The following ZNF407 variants were observed in gnomAD, a reference collection of about 807,000 sequenced individuals.
ZNF407 encodes the protein zinc finger protein 407.
Under a neutral mutation model 131.2 loss-of-function variants are expected in ZNF407, and 17 were observed. The observed-to-expected ratio is 0.13, with a 90% CI of 0.09 to 0.19. The LOEUF (loss-of-function observed/expected upper bound fraction) is 0.19. Among genes scored for constraint, ZNF407 ranks in the 10% least tolerant of loss-of-function variants. The pLI is 1.00. For synonymous variants in ZNF407, 1,156 were observed against 1,062.0 expected (o/e 1.09, Z -1.72); for missense variants, 2,681 against 2,830.6 (o/e 0.95, Z 1.20).
chr18:74,715,190 A>T (rs1386828040), intron 3 of ZNF407, among the ~76,000 whole-genome samples: 1 of 152,122 alleles, frequency 6.6e-6, no homozygotes, highest in African/African-American at 2.4e-5. Context: ...TCCACTCTGA[A>T]CTTGAAATGT....
At chr18:74,599,004 A>G (rs1362972380) in intron 1 of ZNF407, among the ~76,000 whole-genome samples, 1 of 152,186 alleles carries the variant, frequency 6.6e-6, no homozygotes, top group African/African-American at 2.4e-5. Context: ...ATGCCTGGTG[A>G]CATCCTAGTC....
At chr18:74,883,955 A>C (rs1006662320) in intron 6 of ZNF407, among the ~76,000 whole-genome samples, 1 of 152,212 alleles carries the variant, frequency 6.6e-6, no homozygotes, top group Non-Finnish European at 1.5e-5. Flanking sequence ...TGAAAAGCAC[A>C]TGTACAGGTA....
At chr18:74,782,247 TA>T (rs1969617218) in intron 4 of ZNF407, among the ~76,000 whole-genome samples, 1 of 152,214 alleles carries the variant, frequency 6.6e-6, no homozygotes, top group African/African-American at 2.4e-5. Flanking sequence ...ATTCTACAGA[TA>T]CTCTCAGAAA....
At chr18:75,062,234 G>A (rs1599318209) in intron 8 of ZNF407, 1 of 148,024 alleles carries the variant, frequency 6.8e-6, no homozygotes, top group Non-Finnish European at 1.5e-5. Context: ...CTACAATGTT[G>A]TTTCGTTTTT....
At chr18:74,870,399 T>G (rs989461100) in intron 4 of ZNF407, among the ~76,000 whole-genome samples, 1 of 152,152 alleles carries the variant, frequency 6.6e-6, no homozygotes, top group Admixed American at 6.5e-5. Flanking sequence ...GGCTCCCTGG[T>G]GAACTGTTTA....
At chr18:74,890,512 T>G (rs1448973240) in intron 7 of ZNF407, among the ~76,000 whole-genome samples, 1 of 152,242 alleles carries the variant, frequency 6.6e-6, no homozygotes, top group Non-Finnish European at 1.5e-5. Context: ...TCTATAATCT[T>G]AACATTTAGA....
chr18:74,959,979 A>T (rs550545641), intron 8 of ZNF407, among the ~76,000 whole-genome samples: 1 of 152,216 alleles, frequency 6.6e-6, no homozygotes, highest in Non-Finnish European at 1.5e-5. Context: ...GTGCATTTGT[A>T]TAACTCATTT....
intron 6 of ZNF407, among the ~76,000 whole-genome samples, chr18:74,885,107 T>C (rs1184887514): frequency 6.6e-6 from 1 of 152,152 alleles, no homozygotes; most frequent in Non-Finnish European, 1.5e-5. Context: ...TTAGACTTAT[T>C]ATATTGAAAG....
intron 4 of ZNF407, among the ~76,000 whole-genome samples, chr18:74,844,130 C>T (rs1184715795): frequency 6.6e-6 from 1 of 152,188 alleles, no homozygotes; most frequent in Non-Finnish European, 1.5e-5. Flanking sequence ...GACTCTACTG[C>T]CCTGCTCCTC....
Position 75,063,587 on chromosome 18 carries a change from T to C in ZNF407, c.5866T>C (p.Ser1956Pro), listed in dbSNP as rs1973667648. 1 of 1,567,938 alleles carries C rather than the reference T, an allele frequency of 6.4e-7. No individual in the cohort carries two copies. The highest frequency in any genetic ancestry group is 8.6e-7 in the Non-Finnish European group (1 of 1,158,714). ...GSMEGHGMDE[S>P]LSPGGAVIQQ... ...CATGGAAGGCCACGGCATGGATGAGTCCCTCAGTCCAGGTGGCGCTGTGAT... is the reference window on the plus strand; with the variant it reads ...CATGGAAGGCCACGGCATGGATGAGCCCCTCAGTCCAGGTGGCGCTGTGAT... The change falls in exon 9 of 9, where the codon TCC (serine) becomes CCC (proline). Residue 1956 changes from serine to proline, a missense_variant. Physicochemically the swap from Ser to Pro is moderately conservative, Grantham distance 74. Coordinates refer to ENST00000299687, the MANE Select transcript of ZNF407 (RefSeq NM_017757.3). This position sits in a 1 kb window ranked among gnomAD's most constrained non-coding sequence, Gnocchi z 6.6.
chr18:74,779,488 A>G (rs551878335), intron 3 of ZNF407, among the ~76,000 whole-genome samples: 2 of 152,296 alleles, frequency 1.3e-5, no homozygotes, highest in East Asian at 1.9e-4. Flanking sequence ...AATTTAAAGA[A>G]TTAGTACTTC....
chr18:74,600,454 T>G (rs1171291090), intron 1 of ZNF407, among the ~76,000 whole-genome samples: 1 of 152,214 alleles, frequency 6.6e-6, no homozygotes, highest in Non-Finnish European at 1.5e-5. Flanking sequence ...TGACCTTTTT[T>G]GCCAAGCCAC....
chr18:74,869,824 T>C (rs72977461), intron 4 of ZNF407, among the ~76,000 whole-genome samples: 16,114 of 152,256 alleles, frequency 0.11, 1,038 homozygotes, highest in Middle Eastern at 0.24. Flanking sequence ...AAAGACCTTA[T>C]GACCACGAAA....
chr18:74,882,802 G>C (rs1438192179), intron 6 of ZNF407, among the ~76,000 whole-genome samples: 1 of 152,186 alleles, frequency 6.6e-6, no homozygotes, highest in Non-Finnish European at 1.5e-5. Context: ...CTTGACCACT[G>C]TTGTGATAAA....
chr18:74,940,305 C>T (rs900629648), intron 8 of ZNF407, among the ~76,000 whole-genome samples: 2 of 152,050 alleles, frequency 1.3e-5, no homozygotes, highest in East Asian at 3.9e-4. Context: ...AGGAGCTTTG[C>T]GGGGGCACTG....
At chr18:75,023,881 A>G (rs1973140781) in intron 8 of ZNF407, among the ~76,000 whole-genome samples, 1 of 152,166 alleles carries the variant, frequency 6.6e-6, no homozygotes, top group Non-Finnish European at 1.5e-5. Flanking sequence ...TCAGTTATTT[A>G]CCATTGTAAT....
At chr18:74,598,226 T>A (rs1392763826) in intron 1 of ZNF407, 4 of 152,238 alleles carry the variant, frequency 2.6e-5, no homozygotes, top group Non-Finnish European at 5.9e-5. Flanking sequence ...CCCTGCCCTC[T>A]CACCCGCTCG....
chr18:74,612,014 G>A (rs1251266731), intron 1 of ZNF407, among the ~76,000 whole-genome samples: 1 of 152,176 alleles, frequency 6.6e-6, no homozygotes, highest in Non-Finnish European at 1.5e-5. Context: ...ACAGATGCCT[G>A]CATTGTATCA....
At chr18:74,792,367 A>G (rs562987988) in intron 4 of ZNF407, among the ~76,000 whole-genome samples, 1 of 151,918 alleles carries the variant, frequency 6.6e-6, no homozygotes, top group East Asian at 1.9e-4. Context: ...AATTAAAACA[A>G]TAATTTCTCC....
Sources: allele counts gnomAD v4.1 joint callset (sites outside exome capture counted in the v4.1 genomes callset), GRCh38; gene constraint gnomAD v4.1.1; non-coding constraint Gnocchi (gnomAD v3.1); transcripts MANE v1.5; gene names NCBI Gene and HGNC (gene_info 2026-07-23, HGNC 2026-07-21).